The following ABTB3 variants were observed in gnomAD, a reference collection of about 807,000 sequenced individuals.
ABTB3 encodes ankyrin repeat- and BTB/POZ domain-containing protein 3.
chr12:107,644,147 G>T, the ABTB3 span, among the ~76,000 whole-genome samples: 18,454 of 152,200 alleles, frequency 0.12, 1,905 homozygotes, highest in East Asian at 0.52. Flanking sequence ...TCTAGTTAGC[G>T]ATAGAGCCAG....
At chr12:107,573,618 A>T in the ABTB3 span, among the ~76,000 whole-genome samples, 1 of 152,186 alleles carries the variant, frequency 6.6e-6, no homozygotes, top group Non-Finnish European at 1.5e-5. Context: ...AATATGCTTT[A>T]TATACACAAC....
At chr12:107,459,730 T>C in the ABTB3 span, among the ~76,000 whole-genome samples, 2 of 152,228 alleles carry the variant, frequency 1.3e-5, no homozygotes, top group Admixed American at 1.3e-4. Context: ...GTGACCTGCA[T>C]TGTGGCTGCG....
chr12:107,338,530 T>C, the ABTB3 span, among the ~76,000 whole-genome samples: 1 of 152,212 alleles, frequency 6.6e-6, no homozygotes, highest in Admixed American at 6.5e-5. Flanking sequence ...AGTGCTCAAA[T>C]GTCTTGAGGA....
chr12:107,492,768 C>G, the ABTB3 span, among the ~76,000 whole-genome samples: 1 of 152,148 alleles, frequency 6.6e-6, no homozygotes, highest in Non-Finnish European at 1.5e-5. Flanking sequence ...AACAGTGTCT[C>G]AGTGAAAGCC....
At chr12:107,428,145 A>G in the ABTB3 span, among the ~76,000 whole-genome samples, 1 of 152,220 alleles carries the variant, frequency 6.6e-6, no homozygotes, top group Non-Finnish European at 1.5e-5. Flanking sequence ...GTAGGTGCTC[A>G]ATAGATGCTT....
At chr12:107,654,540 C>A in the ABTB3 span, among the ~76,000 whole-genome samples, 3 of 152,106 alleles carry the variant, frequency 2.0e-5, no homozygotes, top group Non-Finnish European at 4.4e-5. Context: ...CTCAGGTGAT[C>A]CACCAGCCTC....
the ABTB3 span, among the ~76,000 whole-genome samples, chr12:107,322,413 A>G: frequency 1.3e-5 from 2 of 152,224 alleles, no homozygotes; most frequent in African/African-American, 4.8e-5. Flanking sequence ...AGAGTTAAAG[A>G]ATGAGTGATT....
chr12:107,627,449 G>A, the ABTB3 span, among the ~76,000 whole-genome samples: 2 of 152,296 alleles, frequency 1.3e-5, no homozygotes, highest in East Asian at 1.9e-4. Context: ...CTATGTTAGC[G>A]ATGATAGCCC....
chr12:107,544,261 G>T, the ABTB3 span: 1 of 1,067,484 alleles, frequency 9.4e-7, no homozygotes, highest in Non-Finnish European at 1.3e-6. Context: ...TGCCAGAGTG[G>T]TCCCGGTGGG....
the ABTB3 span, among the ~76,000 whole-genome samples, chr12:107,348,816 G>T: frequency 0.43 from 65,837 of 151,960 alleles, 16,941 homozygotes; most frequent in African/African-American, 0.73. Flanking sequence ...AGGTAGTACT[G>T]AGTGATAAGG....
At chr12:107,417,734 A>T in the ABTB3 span, among the ~76,000 whole-genome samples, 1 of 152,240 alleles carries the variant, frequency 6.6e-6, no homozygotes, top group Non-Finnish European at 1.5e-5. Flanking sequence ...CCCTGTGCTC[A>T]GACATTGTGC....
the ABTB3 span, among the ~76,000 whole-genome samples, chr12:107,564,098 G>C: frequency 1.0e-3 from 129 of 123,768 alleles, no homozygotes; most frequent in African/African-American, 2.0e-3. Flanking sequence ...CTCTGTGTGT[G>C]TGTGTGTGTG....
chr12:107,495,368 C>T, the ABTB3 span, among the ~76,000 whole-genome samples: 1 of 152,194 alleles, frequency 6.6e-6, no homozygotes, highest in Non-Finnish European at 1.5e-5. Context: ...AGCAGTGGGG[C>T]TTGGGCCAGA....
chr12:107,418,103 A>C, the ABTB3 span, among the ~76,000 whole-genome samples: 1 of 152,232 alleles, frequency 6.6e-6, no homozygotes, highest in Admixed American at 6.5e-5. Context: ...GCCAAAGATT[A>C]ACATTTGAGT....
the ABTB3 span, among the ~76,000 whole-genome samples, chr12:107,456,614 A>C: frequency 1.7e-3 from 266 of 152,186 alleles, no homozygotes; most frequent in African/African-American, 6.0e-3. Flanking sequence ...TTATAATGTA[A>C]TAATAATAGA....
chr12:107,422,424 T>C, the ABTB3 span, among the ~76,000 whole-genome samples: 1 of 152,100 alleles, frequency 6.6e-6, no homozygotes, highest in East Asian at 1.9e-4. Flanking sequence ...CCACTTTGAA[T>C]GCATGGTTCC....
chr12:107,593,336 T>G, the ABTB3 span, among the ~76,000 whole-genome samples: 2 of 152,194 alleles, frequency 1.3e-5, no homozygotes, highest in Non-Finnish European at 2.9e-5. Context: ...GAAAAAAATT[T>G]TGGACCCATC....
chr12:107,573,860 G>A, the ABTB3 span, among the ~76,000 whole-genome samples: 2 of 152,196 alleles, frequency 1.3e-5, no homozygotes, highest in Non-Finnish European at 1.5e-5. Context: ...TTTACTCAAA[G>A]CCTACTGATT....
chr12:107,594,899 A>C, the ABTB3 span, among the ~76,000 whole-genome samples: 2 of 151,918 alleles, frequency 1.3e-5, no homozygotes, highest in African/African-American at 2.4e-5. Context: ...GCACTACGAC[A>C]TTTGGGGCTG....
Sources: gnomAD v4.1 joint callset for allele counts (sites outside exome capture counted in the v4.1 genomes callset) on GRCh38, gnomAD v4.1.1 for gene constraint, MANE v1.5 for transcripts, NCBI Gene and HGNC (gene_info 2026-07-23, HGNC 2026-07-21) for gene names.